The following MAP7 variants were observed in gnomAD, a reference collection of about 807,000 sequenced individuals.
The protein encoded by MAP7 is microtubule associated protein 7.
A neutral mutation model predicts 94.8 loss-of-function variants in MAP7; 52 were observed. That is an observed-to-expected ratio of 0.55 (90% CI 0.44 to 0.69). The LOEUF (loss-of-function observed/expected upper bound fraction) is 0.69, where lower values mean the gene tolerates loss of function less well. MAP7 is among the 30% of genes least tolerant of loss of function. The pLI, the probability that MAP7 is intolerant of heterozygous loss-of-function variation, is 0.00. For missense variants in MAP7, 940 were observed against 964.6 expected (o/e 0.97, Z 0.34); for synonymous variants, 350 against 357.0 (o/e 0.98, Z 0.22).
chr6:136,467,992 T>C (rs980840288), intron 1 of MAP7, among the ~76,000 whole-genome samples: 3 of 152,082 alleles, frequency 2.0e-5, no homozygotes, highest in African/African-American at 7.2e-5. Context: ...GCAACTAACC[T>C]TGTTAATACC....
At position 136,367,982 on chromosome 6, in the gene MAP7, C is replaced by T. The variant is rs1320556632; in HGVS notation, c.877-1543G>A. ...TCAAGAGGGACAATTTTTGATGTGG[C>T]GTGGGGGTGGTTGGGGATTATTATT... On this transcript the variant is annotated intron_variant, in intron 8 of 17. Transcript: ENST00000354570. Among the ~76,000 whole-genome samples, 6 of 151,618 alleles carry T rather than the reference C, an allele frequency of 4.0e-5. No homozygotes were observed. In the East Asian group the frequency reaches 9.7e-4, roughly 24 times the overall value.
In MAP7 at chr6:136,345,973, C is replaced by T; in HGVS notation, c.2122G>A (p.Asp708Asn). The stretch of plus-strand genomic sequence containing the variant: ...TCTGGGCTCTCACTGTTGGTGACAT[C>T]TAATCTGGATGGTTTAGATCCAATG... ...LPIGSKPSRL[D>N]VTNSESPEIP... The change falls in exon 17 of 18, where the codon GAT (aspartate) becomes AAT (asparagine). Residue 708 changes from aspartate (D) to asparagine (N), a missense_variant. Coordinates refer to ENST00000354570, the MANE Select transcript of MAP7 (RefSeq NM_003980.6). The T allele has an allele frequency of 1.9e-6, 3 of 1,613,836 alleles. No homozygotes were observed. Among genetic ancestry groups the T allele is most frequent in the Non-Finnish European group, 2.5e-6 (3 of 1,179,736 alleles).
intron 1 of MAP7, among the ~76,000 whole-genome samples, chr6:136,483,454 C>T (rs932356681): frequency 5.9e-5 from 9 of 152,080 alleles, no homozygotes; most frequent in African/African-American, 1.9e-4. Context: ...TACCAAACCC[C>T]GGGAACACAT....
chr6:136,383,044 CT>C (rs1778231547), intron 6 of MAP7, among the ~76,000 whole-genome samples: 1 of 151,956 alleles, frequency 6.6e-6, no homozygotes, highest in South Asian at 2.1e-4. Context: ...ATGAATAAAA[CT>C]CAAAATTCAA....
At chr6:136,400,193 G>C (rs940737594) in intron 3 of MAP7, among the ~76,000 whole-genome samples, 1 of 152,110 alleles carries the variant, frequency 6.6e-6, no homozygotes, top group Non-Finnish European at 1.5e-5. Context: ...GAGGCGGGCA[G>C]ATCACGAGGT....
intron 1 of MAP7, among the ~76,000 whole-genome samples, chr6:136,482,925 A>G (rs1813358287): frequency 1.3e-5 from 2 of 152,180 alleles, no homozygotes; most frequent in Non-Finnish European, 2.9e-5. Context: ...AAAGGCATAT[A>G]TATTGTGCAG....
intron 9 of MAP7, 131 bp from the exon 10 acceptor site, chr6:136,366,149 C>T: frequency 2.8e-6 from 3 of 1,090,238 alleles, no homozygotes; most frequent in South Asian, 1.6e-5. Context: ...GTGGTAGATA[C>T]AGAAATAGAG....
At position 136,346,072 on chromosome 6, in the gene MAP7, C is replaced by T. The variant is rs149873804; in HGVS notation, c.2023G>A (p.Asp675Asn). The T allele has an allele frequency of 7.3e-4, 1,170 of 1,602,590 alleles. 11 individuals carry two copies. In the African/African-American group the frequency reaches 0.014, roughly 19 times the overall value. The change falls in exon 17 of 18, where the codon GAT becomes AAT. Residue 675 changes from aspartate (D) to asparagine (N), a missense_variant. Physicochemically the swap from Asp to Asn is conservative, Grantham distance 23. Transcript: ENST00000354570. ...TTTTCATTTGGTTGTTTTTCCAAATCGGGAGTGCTAAGGAATTTGAAAAAT... is the reference window on the plus strand; with the variant it reads ...TTTTCATTTGGTTGTTTTTCCAAATTGGGAGTGCTAAGGAATTTGAAAAAT... Reference protein sequence around the residue: ...QSKVTVESTPDLEKQPNENGV... With the variant: ...QSKVTVESTPNLEKQPNENGV...
intron 1 of MAP7, among the ~76,000 whole-genome samples, chr6:136,456,818 A>AGAAGAAGAAGAAGAG (rs1562422329): frequency 1.0e-5 from 1 of 97,234 alleles, no homozygotes; most frequent in Non-Finnish European, 2.1e-5. Flanking sequence ...AAGAAGAAGA[A>AGAAGAAGAAGAAGAG]GAAGGAAGAA....
At chr6:136,406,299 G>A (rs1232929295) in intron 3 of MAP7, among the ~76,000 whole-genome samples, 2 of 152,184 alleles carry the variant, frequency 1.3e-5, no homozygotes, top group South Asian at 2.1e-4. Flanking sequence ...AACCACTGTC[G>A]AATGGGAGTC....
chr6:136,481,262 C>T (rs1385821797), intron 1 of MAP7, among the ~76,000 whole-genome samples: 1 of 152,146 alleles, frequency 6.6e-6, no homozygotes, highest in African/African-American at 2.4e-5. Flanking sequence ...TAGAATACCA[C>T]TGCTAGGTAT....
intron 1 of MAP7, chr6:136,526,734 AG>A (rs1300378861): frequency 1.0e-6 from 1 of 963,450 alleles, no homozygotes; most frequent in African/African-American, 1.8e-5. Context: ...TGAGGAAGAA[AG>A]GCTTTTTCTT....
rs563359207 is a variant in MAP7, at chr6:136,512,945, C to T, written c.67+37397G>A. Among the ~76,000 whole-genome samples the T allele has an allele frequency of 3.3e-5, 5 of 152,088 alleles. No individual in the cohort carries two copies. The East Asian group carries it at 9.7e-4, about 29-fold the overall frequency. On this transcript the variant is annotated intron_variant, in intron 1 of 17. Transcript: ENST00000354570. ...CTCTCAGGCTCAAGCAATCCTTCTGCATCAGCCTCTCAAGTTGCTAGGACT... is the reference window on the plus strand; with the variant it reads ...CTCTCAGGCTCAAGCAATCCTTCTGTATCAGCCTCTCAAGTTGCTAGGACT...
At position 136,388,420 on chromosome 6, in the gene MAP7, G is replaced by A. The variant is rs1236563099; in HGVS notation, c.499C>T (p.His167Tyr). The part of the protein sequence containing the change: ...HNRWSWGGSL[H>Y]GSPSIHSADP... ...GCACTGTGGATGCTAGGGCTCCCAT[G>A]GAGAGAGCCTCCCCACGACCAACGG... The change falls in exon 5 of 18, where the codon CAT becomes TAT. Residue 167 changes from histidine (H) to tyrosine (Y), a missense_variant. Physicochemically the swap from His to Tyr is moderately conservative, Grantham distance 83. Coordinates refer to ENST00000354570, the MANE Select transcript of MAP7 (RefSeq NM_003980.6). The A allele has an allele frequency of 6.2e-7, 1 of 1,614,026 alleles. No homozygotes were observed. The highest frequency in any genetic ancestry group is 1.7e-5 in the Admixed American group (1 of 60,020).
At chr6:136,420,419 C>T (rs1330549388) in intron 2 of MAP7, 3 of 519,258 alleles carry the variant, frequency 5.8e-6, no homozygotes, top group Non-Finnish European at 1.0e-5. Flanking sequence ...AGGTCCACTT[C>T]TGCCAACAAA....
intron 1 of MAP7, among the ~76,000 whole-genome samples, chr6:136,528,258 T>C (rs920692309): frequency 5.9e-5 from 9 of 152,230 alleles, no homozygotes; most frequent in African/African-American, 2.2e-4. Context: ...GGAGGACGCA[T>C]ATAAGATCTT....
chr6:136,474,147 G>C (rs1302652770), intron 1 of MAP7, among the ~76,000 whole-genome samples: 1 of 151,886 alleles, frequency 6.6e-6, no homozygotes, highest in East Asian at 1.9e-4. Flanking sequence ...ATATTAAGAG[G>C]GTAGAAAGAA....
chr6:136,545,190 T>C (rs949183298), intron 1 of MAP7: 5 of 152,212 alleles, frequency 3.3e-5, no homozygotes, highest in African/African-American at 9.7e-5. Context: ...ACGTTGCTAC[T>C]TTGAAATGAG....
chr6:136,353,038 A>G (rs528637520), intron 16 of MAP7, among the ~76,000 whole-genome samples: 4 of 152,220 alleles, frequency 2.6e-5, no homozygotes, highest in Non-Finnish European at 4.4e-5. Context: ...TATAATGGGG[A>G]CCAAACTTAA....
Sources: gnomAD v4.1 joint callset for allele counts (sites outside exome capture counted in the v4.1 genomes callset) on GRCh38, gnomAD v4.1.1 for gene constraint, MANE v1.5 for transcripts, NCBI Gene and HGNC (gene_info 2026-07-23, HGNC 2026-07-21) for gene names.